Variants in ANKRD10 observed in about 807,000 individuals in gnomAD.
ANKRD10 encodes ankyrin repeat domain-containing protein 10.
ANKRD10 carries 14 observed loss-of-function variants against 27.0 expected under a neutral mutation model. That is an observed-to-expected ratio of 0.52 (90% CI 0.34 to 0.81). The LOEUF (loss-of-function observed/expected upper bound fraction) is 0.81. Ranked by LOEUF, ANKRD10 falls within the 40% of genes least tolerant of loss-of-function variation. ANKRD10 has a pLI of 0.01. For synonymous variants in ANKRD10, 250 were observed against 224.5 expected (o/e 1.11, Z -1.01); for missense variants, 493 against 544.0 (o/e 0.91, Z 0.93).
intron 3 of ANKRD10, among the ~76,000 whole-genome samples, chr13:110,895,529 G>C (rs955672583): frequency 1.3e-5 from 2 of 151,850 alleles, no homozygotes; most frequent in African/African-American, 4.8e-5. Flanking sequence ...AGAGGCTGCA[G>C]TGAGCCGAGA....
In ANKRD10 at chr13:110,914,796, G is replaced by C; in HGVS notation, c.139C>G (p.His47Asp). Residue 47 changes from histidine (H) to aspartate (D), a missense_variant, in exon 1 of 6, where the codon CAC becomes GAC. Physicochemically the swap from His to Asp is moderately conservative, Grantham distance 81. Transcript: ENST00000267339. ...TLCSLLQQTP[H>D]AHLASEDSFY... is the part of the protein sequence containing the mutation. ...GAGTCCTCAGAGGCCAGGTGGGCGTGGGGTGTCTGCTGCAGCAGCGAGCAG... is the reference window on the plus strand; with the variant it reads ...GAGTCCTCAGAGGCCAGGTGGGCGTCGGGTGTCTGCTGCAGCAGCGAGCAG... 1 of 1,595,740 alleles carries C rather than the reference G, an allele frequency of 6.3e-7. No homozygotes were observed. The highest frequency in any genetic ancestry group is 8.5e-7 in the Non-Finnish European group (1 of 1,171,886).
intron 5 of ANKRD10, among the ~76,000 whole-genome samples, chr13:110,882,207 T>C (rs970313224): frequency 7.2e-5 from 11 of 152,288 alleles, no homozygotes; most frequent in Admixed American, 5.2e-4. Context: ...CTGTACACAG[T>C]TGTTCAAAAA....
At chr13:110,907,393 AG>A (rs914578850) in intron 2 of ANKRD10, among the ~76,000 whole-genome samples, 1 of 152,220 alleles carries the variant, frequency 6.6e-6, no homozygotes, top group African/African-American at 2.4e-5. Context: ...CAAGATAAAA[AG>A]GAGTGCAGCA....
At chr13:110,908,985 A>G (rs140251166) in intron 2 of ANKRD10, among the ~76,000 whole-genome samples, 1 of 152,336 alleles carries the variant, frequency 6.6e-6, no homozygotes, top group Non-Finnish European at 1.5e-5. Flanking sequence ...AGAGTGCGGT[A>G]GAAGTTTCCA....
intron 5 of ANKRD10, chr13:110,883,409 G>T: frequency 1.5e-6 from 1 of 689,048 alleles, no homozygotes; most frequent in Non-Finnish European, 1.9e-6. Flanking sequence ...CATTTTTCAT[G>T]TCCACAGAAT....
intron 3 of ANKRD10, chr13:110,894,418 A>AAAAAAAAACC: frequency 3.1e-6 from 1 of 318,990 alleles, no homozygotes; most frequent in East Asian, 5.0e-5. Flanking sequence ...AAAAAAAAAA[A>AAAAAAAAACC]AAAAAAAAAC....
rs963356215 is a variant in ANKRD10, at chr13:110,914,974, G to A, written c.-40C>T. On this transcript the variant is annotated 5_prime_UTR_variant, in exon 1 of 6. Coordinates refer to ENST00000267339, the MANE Select transcript of ANKRD10 (RefSeq NM_017664.4). ...GAGCGCGGGGCTCGCTGGCCTAGAG[G>A]ACGCGTCGGGGAGGACTCGAGAAGC... is the stretch of plus-strand genomic sequence containing the variant. 1 of 1,514,710 alleles carries A rather than the reference G, an allele frequency of 6.6e-7. No individual in the cohort carries two copies. Among genetic ancestry groups the A allele is most frequent in the Admixed American group, 2.0e-5 (1 of 49,774 alleles). The allele number at this position is 1,514,710 out of a possible 1,614,324, so 93.8% of individuals were successfully genotyped here.
chr13:110,901,852 GT>G (rs1434981273), intron 3 of ANKRD10, among the ~76,000 whole-genome samples: 1 of 152,062 alleles, frequency 6.6e-6, no homozygotes, highest in Non-Finnish European at 1.5e-5. Flanking sequence ...ACCAGCCTGG[GT>G]AACACAGCAA....
chr13:110,906,825 G>A (rs1467711390), intron 2 of ANKRD10, among the ~76,000 whole-genome samples: 1 of 152,136 alleles, frequency 6.6e-6, no homozygotes, highest in Non-Finnish European at 1.5e-5. Flanking sequence ...CAGAGGGGGT[G>A]GGGTGGCGGC....
chr13:110,892,929 G>C (rs2065121775), intron 4 of ANKRD10, 99 bp downstream of exon 4: 2 of 1,510,098 alleles, frequency 1.3e-6, no homozygotes, highest in Admixed American at 2.2e-5. Flanking sequence ...ACCACCTGAA[G>C]TGAAGGTCTC....
At chr13:110,880,884 C>T (rs2064804701) in intron 5 of ANKRD10, among the ~76,000 whole-genome samples, 1 of 151,666 alleles carries the variant, frequency 6.6e-6, no homozygotes, top group African/African-American at 2.4e-5. Flanking sequence ...AGAGTCGCTT[C>T]TTCTCAGTCC....
At chr13:110,896,737 C>G (rs2065236120) in intron 3 of ANKRD10, among the ~76,000 whole-genome samples, 1 of 152,196 alleles carries the variant, frequency 6.6e-6, no homozygotes. Context: ...GAGCATGGCT[C>G]TCATAAAGCT....
chr13:110,894,419 A>AAAAAAAAAC, intron 3 of ANKRD10: 1 of 319,072 alleles, frequency 3.1e-6, no homozygotes, highest in Non-Finnish European at 5.7e-6. Flanking sequence ...AAAAAAAAAA[A>AAAAAAAAAC]AAAAAAAACC....
At chr13:110,893,626 G>A (rs535730501) in intron 3 of ANKRD10, among the ~76,000 whole-genome samples, 5 of 152,206 alleles carry the variant, frequency 3.3e-5, no homozygotes, top group African/African-American at 7.2e-5. Flanking sequence ...TTCCTTTAGC[G>A]TGAATAAAAT....
intron 2 of ANKRD10, 54 bp downstream of exon 2, chr13:110,910,564 T>A: frequency 6.2e-7 from 1 of 1,603,996 alleles, no homozygotes; most frequent in Non-Finnish European, 8.5e-7. Context: ...TGTATAATTA[T>A]AACTGCAAAA....
At chr13:110,883,532 T>C (rs1406710314) in intron 5 of ANKRD10, 166 bp downstream of exon 5, 2 of 1,341,510 alleles carry the variant, frequency 1.5e-6, no homozygotes, top group African/African-American at 1.5e-5. Context: ...GAAAAACTTA[T>C]GTTAGAAATA....
At chr13:110,912,641 G>C (rs1343035455) in intron 1 of ANKRD10, among the ~76,000 whole-genome samples, 1 of 152,096 alleles carries the variant, frequency 6.6e-6, no homozygotes, top group Non-Finnish European at 1.5e-5. Flanking sequence ...AGCTACAACA[G>C]AGATTTTAAA....
At chr13:110,887,500 A>AG (rs2064963297) in intron 4 of ANKRD10, among the ~76,000 whole-genome samples, 1 of 152,222 alleles carries the variant, frequency 6.6e-6, no homozygotes, top group Non-Finnish European at 1.5e-5. Context: ...TGTAAGGCTT[A>AG]GGAAAAATGC....
At chr13:110,911,341 A>T (rs1036928734) in intron 1 of ANKRD10, among the ~76,000 whole-genome samples, 3 of 152,120 alleles carry the variant, frequency 2.0e-5, no homozygotes, top group African/African-American at 7.2e-5. Flanking sequence ...AATCCCAGCT[A>T]CTTGGGAGGC....
Sources: gnomAD v4.1 joint callset for allele counts (sites outside exome capture counted in the v4.1 genomes callset) on GRCh38, gnomAD v4.1.1 for gene constraint, MANE v1.5 for transcripts, NCBI Gene and HGNC (gene_info 2026-07-23, HGNC 2026-07-21) for gene names.